The following PIGL variants were observed in gnomAD, a reference collection of about 807,000 sequenced individuals.
PIGL encodes phosphatidylinositol glycan anchor biosynthesis class L.
Under a neutral mutation model 31.1 loss-of-function variants are expected in PIGL, and 22 were observed. The observed-to-expected ratio is 0.71, with a 90% CI of 0.51 to 1.01. The LOEUF (loss-of-function observed/expected upper bound fraction) is 1.01, where lower values mean the gene tolerates loss of function less well. Ranked by LOEUF, PIGL falls within the 50% of genes least tolerant of loss-of-function variation. The pLI is 0.00. For missense variants in PIGL, 302 were observed against 315.9 expected (o/e 0.96, Z 0.33); for synonymous variants, 131 against 117.4 (o/e 1.12, Z -0.75).
chr17:16,227,581 T>TTC (rs1555847985), intron 1 of PIGL, among the ~76,000 whole-genome samples: 11 of 143,658 alleles, frequency 7.7e-5, no homozygotes, highest in African/African-American at 2.8e-4. Flanking sequence ...TTCTTTTCTT[T>TTC]TTTTTTTTTT....
Position 16,299,995 on chromosome 17 carries a change from C to A in PIGL, c.426+17C>A. 6.3e-7 allele frequency: 1 copy of A among 1,599,632 alleles called. No individual in the cohort carries two copies. The highest frequency in any genetic ancestry group is 1.3e-5 in the African/African-American group (1 of 74,784). ...ATCAATCTGGTAAGGGGGCAGCTCC[C>A]TGAATGGAAAACCTGAGGTCTTGGT... On this transcript the variant is annotated intron_variant, in intron 3 of 6. Coordinates refer to ENST00000225609, the MANE Select transcript of PIGL (RefSeq NM_004278.4).
chr17:16,232,855 C>T (rs935764238), intron 1 of PIGL, among the ~76,000 whole-genome samples: 2 of 151,960 alleles, frequency 1.3e-5, no homozygotes, highest in Non-Finnish European at 2.9e-5. Context: ...CGCAGTGGCT[C>T]ACACTTGTAA....
chr17:16,322,620 CAT>C (rs528216204), intron 6 of PIGL, among the ~76,000 whole-genome samples: 16 of 152,226 alleles, frequency 1.1e-4, no homozygotes, highest in South Asian at 4.1e-4. Context: ...CAGTTACAAA[CAT>C]GTGTCGATCT....
intron 6 of PIGL, among the ~76,000 whole-genome samples, chr17:16,323,128 G>A (rs1393067335): frequency 6.6e-6 from 1 of 152,150 alleles, no homozygotes; most frequent in Non-Finnish European, 1.5e-5. Context: ...ACCCAACCCT[G>A]TATTTCCACT....
Position 16,316,722 on chromosome 17 carries a change from G to T in PIGL, c.526+10G>T. The T allele has an allele frequency of 6.2e-7, 1 of 1,610,172 alleles. No homozygotes were observed. Among genetic ancestry groups the T allele is most frequent in the Non-Finnish European group, 8.5e-7 (1 of 1,176,698 alleles). On this transcript the variant is annotated intron_variant, in intron 5 of 6. Transcript: ENST00000225609. ...GGGAAGTTACCTAAAGGTAAGGCTT[G>T]TTCCTTTTGCAAAGGGCCACAAGAT...
At chr17:16,235,752 CT>C (rs35285920) in intron 2 of PIGL, among the ~76,000 whole-genome samples, 9,952 of 111,352 alleles carry the variant, frequency 0.089, 443 homozygotes, top group African/African-American at 0.21. Context: ...TGTGTCCGGT[CT>C]TTTTTTTTTT....
At chr17:16,289,540 C>G (rs2092951726) in intron 2 of PIGL, among the ~76,000 whole-genome samples, 1 of 152,190 alleles carries the variant, frequency 6.6e-6, no homozygotes, top group Admixed American at 6.5e-5. Context: ...CGAGAAATTT[C>G]CATACTCTTT....
chr17:16,284,326 C>T (rs1044559551), intron 2 of PIGL, among the ~76,000 whole-genome samples: 1 of 152,196 alleles, frequency 6.6e-6, no homozygotes, highest in East Asian at 1.9e-4. Flanking sequence ...CCATTCTCCT[C>T]CACCTCCCAA....
chr17:16,291,875 G>GA (rs1242530093), intron 2 of PIGL, among the ~76,000 whole-genome samples: 2 of 149,954 alleles, frequency 1.3e-5, no homozygotes, highest in Non-Finnish European at 3.0e-5. Flanking sequence ...AAAAAAAAAA[G>GA]AAAAAAGAAA....
At chr17:16,311,669 G>A (rs1268340749) in intron 3 of PIGL, among the ~76,000 whole-genome samples, 2 of 148,904 alleles carry the variant, frequency 1.3e-5, no homozygotes, top group Non-Finnish European at 3.0e-5. Flanking sequence ...CTCTTAACGA[G>A]CATGCTGCCT....
intron 3 of PIGL, among the ~76,000 whole-genome samples, chr17:16,306,755 C>T (rs1415916096): frequency 1.3e-5 from 2 of 151,966 alleles, no homozygotes; most frequent in Non-Finnish European, 2.9e-5. Context: ...TCTCGAACCC[C>T]CAACCTCAGG....
intron 2 of PIGL, among the ~76,000 whole-genome samples, chr17:16,252,644 TA>T (rs2092777596): frequency 1.3e-5 from 2 of 151,756 alleles, no homozygotes. Context: ...ACACAACTAA[TA>T]AAACTTTCCT....
chr17:16,220,545 G>C (rs2092623611), intron 1 of PIGL, among the ~76,000 whole-genome samples: 1 of 132,392 alleles, frequency 7.6e-6, no homozygotes, highest in African/African-American at 2.8e-5. Flanking sequence ...CTAGAGTGCA[G>C]TGGTTCGATC....
At chr17:16,313,751 T>C in intron 4 of PIGL, 137 bp downstream of exon 4, 3 of 716,252 alleles carry the variant, frequency 4.2e-6, no homozygotes, top group Non-Finnish European at 7.5e-6. Context: ...TAGCCCTTTT[T>C]GGCCATGTTG....
intron 2 of PIGL, among the ~76,000 whole-genome samples, chr17:16,276,151 CAA>C (rs1435709961): frequency 6.6e-6 from 1 of 152,160 alleles, no homozygotes; most frequent in Non-Finnish European, 1.5e-5. Context: ...CATTCCTACA[CAA>C]AGAGTACAAC....
chr17:16,217,511 TA>T, intron 1 of PIGL, 50 bp downstream of exon 1: 2 of 1,426,660 alleles, frequency 1.4e-6, no homozygotes, highest in Non-Finnish European at 9.9e-7. Context: ...GAAAGGGATT[TA>T]AGTGCTAACC....
At position 16,325,789 on chromosome 17, in the gene PIGL, G is replaced by T. The variant is rs369004119; in HGVS notation, c.661-11G>T. 3.7e-6 allele frequency: 6 copies of T among 1,607,252 alleles called. No homozygotes were observed. The highest frequency in any genetic ancestry group is 8.5e-7 in the Non-Finnish European group (1 of 1,173,960). Reference sequence around the variant, plus strand: ...AACTGTTTCATAACTGGTTCTCTTTGATTCTTCTAGAAAGCCATGTCCTGC... The same window carrying T: ...AACTGTTTCATAACTGGTTCTCTTTTATTCTTCTAGAAAGCCATGTCCTGC... On this transcript the variant is annotated splice_polypyrimidine_tract_variant and intron_variant, in intron 6 of 6. Coordinates refer to ENST00000225609, the MANE Select transcript of PIGL (RefSeq NM_004278.4).
chr17:16,217,528 C>A, intron 1 of PIGL, 67 bp downstream of exon 1: 2 of 1,264,936 alleles, frequency 1.6e-6, no homozygotes, highest in Admixed American at 1.9e-5. Context: ...TAACCGATCT[C>A]AGTCGCCTTC....
chr17:16,325,332 C>CAAAAAAAAAAAAAAAAA (rs55958956), intron 6 of PIGL, among the ~76,000 whole-genome samples: 1 of 69,278 alleles, frequency 1.4e-5, no homozygotes. Context: ...GCAACAGGCT[C>CAAAAAAAAAAAAAAAAA]AAAAAAAAAA....
Sources: gnomAD v4.1 joint callset for allele counts (sites outside exome capture counted in the v4.1 genomes callset) on GRCh38, gnomAD v4.1.1 for gene constraint, MANE v1.5 for transcripts, NCBI Gene and HGNC (gene_info 2026-07-23, HGNC 2026-07-21) for gene names.